EXOC4: variants seen among roughly 807,000 people sequenced by gnomAD.
EXOC4 encodes the protein SEC8-like 1.
EXOC4 carries 71 observed loss-of-function variants against 107.2 expected under a neutral mutation model. The observed-to-expected ratio is 0.66, with a 90% CI of 0.55 to 0.81. The LOEUF (loss-of-function observed/expected upper bound fraction) is 0.81. Ranked by LOEUF, EXOC4 falls within the 30% of genes least tolerant of loss-of-function variation. The probability of loss-of-function intolerance (pLI) is 0.00; values close to 1 mark genes in which losing one functional copy is unlikely to be tolerated. For missense variants in EXOC4, 1,108 were observed against 1,189.6 expected, an observed-to-expected ratio of 0.93 and a Z score of 1.01; for synonymous variants, 456 against 441.2, an observed-to-expected ratio of 1.03 and a Z score of -0.42.
At chr7:133,635,244 G>A (rs1172198025) in intron 10 of EXOC4, among the ~76,000 whole-genome samples, 2 of 152,136 alleles carry the variant, frequency 1.3e-5, no homozygotes, top group Non-Finnish European at 2.9e-5. Flanking sequence ...ATTTAAATCA[G>A]AGTGACACTT....
chr7:134,042,644 C>G (rs1585345995), intron 17 of EXOC4, among the ~76,000 whole-genome samples: 1 of 152,182 alleles, frequency 6.6e-6, no homozygotes, highest in African/African-American at 2.4e-5. Flanking sequence ...TCAGGAGATG[C>G]AGATTTAAGT....
chr7:134,034,159 A>T (rs1795334176), intron 17 of EXOC4, among the ~76,000 whole-genome samples: 1 of 152,216 alleles, frequency 6.6e-6, no homozygotes, highest in Non-Finnish European at 1.5e-5. Flanking sequence ...TGGGATAATG[A>T]GATACAGCTG....
intron 7 of EXOC4, among the ~76,000 whole-genome samples, chr7:133,414,236 A>T (rs1279783542): frequency 6.6e-6 from 1 of 152,232 alleles, no homozygotes; most frequent in Non-Finnish European, 1.5e-5. Flanking sequence ...TAACTTTGCT[A>T]ATAGGGAAAT....
At chr7:133,944,960 C>T (rs1800515354) in intron 14 of EXOC4, among the ~76,000 whole-genome samples, 1 of 152,106 alleles carries the variant, frequency 6.6e-6, no homozygotes, top group Non-Finnish European at 1.5e-5. Flanking sequence ...CTTATTTTAA[C>T]CCATTTTAAT....
chr7:134,054,613 T>G (rs1172442815), intron 17 of EXOC4, among the ~76,000 whole-genome samples: 4 of 152,232 alleles, frequency 2.6e-5, no homozygotes, highest in Non-Finnish European at 5.9e-5. Flanking sequence ...TAGAATTCAC[T>G]AGATGCTTCT....
intron 17 of EXOC4, among the ~76,000 whole-genome samples, chr7:134,011,444 G>A (rs115404883): frequency 0.012 from 1,875 of 151,948 alleles, 47 homozygotes; most frequent in African/African-American, 0.043. Flanking sequence ...TTCTCCAATA[G>A]CTCTACTTCC....
At chr7:133,635,324 G>C (rs1190267582) in intron 10 of EXOC4, among the ~76,000 whole-genome samples, 1 of 151,938 alleles carries the variant, frequency 6.6e-6, no homozygotes, top group Non-Finnish European at 1.5e-5. Flanking sequence ...GTTATTTGTG[G>C]GATTTGTGGG....
At chr7:133,447,750 CT>C (rs1251781054) in intron 7 of EXOC4, among the ~76,000 whole-genome samples, 4 of 151,956 alleles carry the variant, frequency 2.6e-5, no homozygotes, top group Admixed American at 2.6e-4. Flanking sequence ...TATTTACTTA[CT>C]TTTTTTATTG....
At chr7:134,002,431 G>C (rs567357317) in intron 15 of EXOC4, among the ~76,000 whole-genome samples, 23 of 152,168 alleles carry the variant, frequency 1.5e-4, no homozygotes, top group African/African-American at 4.8e-4. Flanking sequence ...CTTCTGAAAT[G>C]TGACACTAAA....
chr7:133,646,220 C>T (rs1296500767), intron 10 of EXOC4, among the ~76,000 whole-genome samples: 1 of 152,100 alleles, frequency 6.6e-6, no homozygotes, highest in Non-Finnish European at 1.5e-5. Flanking sequence ...ATTTTTTCTT[C>T]TTTCCAGAAG....
intron 10 of EXOC4, among the ~76,000 whole-genome samples, chr7:133,770,421 A>G (rs961375042): frequency 6.6e-6 from 1 of 151,962 alleles, no homozygotes; most frequent in Non-Finnish European, 1.5e-5. Context: ...TAAAAAAGAC[A>G]TGACAGTTGT....
chr7:133,356,618 C>A, intron 6 of EXOC4, 45 bp downstream of exon 6: 1 of 1,603,494 alleles, frequency 6.2e-7, no homozygotes, highest in Non-Finnish European at 8.5e-7. Flanking sequence ...CTATTTATTG[C>A]ACATTTTCTA....
At chr7:133,386,316 CA>C (rs1441759921) in intron 7 of EXOC4, among the ~76,000 whole-genome samples, 2 of 152,156 alleles carry the variant, frequency 1.3e-5, no homozygotes, top group Non-Finnish European at 2.9e-5. Context: ...CTGGGCCTCC[CA>C]CCATTCCTCT....
intron 3 of EXOC4, among the ~76,000 whole-genome samples, chr7:133,289,687 T>C (rs1420246256): frequency 6.6e-6 from 1 of 152,168 alleles, no homozygotes; most frequent in Non-Finnish European, 1.5e-5. Context: ...ATGCAATTGG[T>C]GGTTCATGTG....
chr7:133,637,057 T>G (rs1275227220), intron 10 of EXOC4, among the ~76,000 whole-genome samples: 1 of 152,210 alleles, frequency 6.6e-6, no homozygotes, highest in Non-Finnish European at 1.5e-5. Context: ...GTGAAATAGC[T>G]TTGAAATGCC....
intron 7 of EXOC4, among the ~76,000 whole-genome samples, chr7:133,391,615 G>A (rs1305798780): frequency 6.6e-6 from 1 of 152,210 alleles, no homozygotes; most frequent in East Asian, 1.9e-4. Flanking sequence ...GAGCATGGAA[G>A]TAAAGAGATG....
At chr7:134,087,332 A>T in the EXOC4 span, among the ~76,000 whole-genome samples, 1 of 152,196 alleles carries the variant, frequency 6.6e-6, no homozygotes, top group Non-Finnish European at 1.5e-5. Context: ...TATTTGGGGT[A>T]TAAAACAGCT....
intron 9 of EXOC4, among the ~76,000 whole-genome samples, chr7:133,532,430 T>C (rs1189862874): frequency 6.6e-6 from 1 of 152,064 alleles, no homozygotes; most frequent in Non-Finnish European, 1.5e-5. Context: ...AGGAGCAGAG[T>C]AACCACACTG....
At chr7:134,010,387 C>T (rs1038218922) in intron 17 of EXOC4, 6 of 152,228 alleles carry the variant, frequency 3.9e-5, no homozygotes, top group South Asian at 4.2e-4. Context: ...CCTTGCAGTT[C>T]GTTCTTTGTA....
Sources: allele counts gnomAD v4.1 joint callset (sites outside exome capture counted in the v4.1 genomes callset), GRCh38; gene constraint gnomAD v4.1.1; transcripts MANE v1.5; gene names NCBI Gene and HGNC (gene_info 2026-07-23, HGNC 2026-07-21).